KCNQ5: variants seen among roughly 807,000 people sequenced by gnomAD.
KCNQ5 encodes the protein potassium voltage-gated channel subfamily KQT member 5.
KCNQ5 carries 30 observed loss-of-function variants against 98.2 expected under a neutral mutation model. The observed-to-expected ratio is 0.31, with a 90% CI of 0.23 to 0.41. The LOEUF (loss-of-function observed/expected upper bound fraction) is 0.41, where lower values mean the gene tolerates loss of function less well. Among genes scored for constraint, KCNQ5 ranks in the 10% least tolerant of loss-of-function variants. The probability of loss-of-function intolerance (pLI) is 1.00; values close to 1 mark genes in which losing one functional copy is unlikely to be tolerated. For synonymous variants in KCNQ5, 458 were observed against 449.4 expected (o/e 1.02, Z -0.24); for missense variants, 835 against 1,182.5 (o/e 0.71, Z 4.31).
chr6:72,709,511 A>C (rs73537771), intron 1 of KCNQ5, among the ~76,000 whole-genome samples: 109 of 152,332 alleles, frequency 7.2e-4, no homozygotes, highest in African/African-American at 2.5e-3. Context: ...GAGATGCTTA[A>C]ACTGAGGGTA....
chr6:73,087,743 A>G (rs183533267), intron 5 of KCNQ5, among the ~76,000 whole-genome samples: 3,756 of 152,160 alleles, frequency 0.025, 69 homozygotes, highest in Non-Finnish European at 0.039. Context: ...AGAGCCACCA[A>G]GGAATACAAA....
chr6:73,075,027 A>G (rs1016924307), intron 3 of KCNQ5, among the ~76,000 whole-genome samples: 7 of 152,224 alleles, frequency 4.6e-5, no homozygotes, highest in Non-Finnish European at 7.3e-5. Flanking sequence ...ATCCCTCAAC[A>G]TGATGAAAAC....
At chr6:72,984,561 T>G (rs957017673) in intron 1 of KCNQ5, among the ~76,000 whole-genome samples, 1 of 152,174 alleles carries the variant, frequency 6.6e-6, no homozygotes, top group African/African-American at 2.4e-5. Flanking sequence ...GCTAAGACCA[T>G]TGGAAAAGCC....
intron 1 of KCNQ5, among the ~76,000 whole-genome samples, chr6:72,945,883 C>G (rs1378897293): frequency 6.6e-6 from 1 of 151,958 alleles, no homozygotes; most frequent in African/African-American, 2.4e-5. Context: ...ATATATTGAC[C>G]GCTCACAAAT....
At chr6:73,022,766 C>T (rs1170608997) in intron 2 of KCNQ5, among the ~76,000 whole-genome samples, 1 of 152,114 alleles carries the variant, frequency 6.6e-6, no homozygotes, top group Non-Finnish European at 1.5e-5. Context: ...GACTCATTTC[C>T]ACTGGCAATT....
chr6:73,048,190 G>A (rs1325600552), intron 3 of KCNQ5, among the ~76,000 whole-genome samples: 1 of 152,184 alleles, frequency 6.6e-6, no homozygotes, highest in Non-Finnish European at 1.5e-5. Flanking sequence ...AAGAGTAGAG[G>A]CTACCTTAGC....
chr6:72,709,273 G>T (rs1196284851), intron 1 of KCNQ5, among the ~76,000 whole-genome samples: 2 of 152,026 alleles, frequency 1.3e-5, no homozygotes, highest in Non-Finnish European at 2.9e-5. Context: ...CTTGTTTTTA[G>T]GACATTTATT....
At chr6:72,822,248 C>T (rs1176150710) in intron 1 of KCNQ5, among the ~76,000 whole-genome samples, 1 of 152,150 alleles carries the variant, frequency 6.6e-6, no homozygotes, top group Non-Finnish European at 1.5e-5. Flanking sequence ...TTTAAATTTT[C>T]CTCAGAGGAA....
At chr6:72,713,097 A>G (rs1369072055) in intron 1 of KCNQ5, among the ~76,000 whole-genome samples, 1 of 152,214 alleles carries the variant, frequency 6.6e-6, no homozygotes, top group East Asian at 1.9e-4. Context: ...AGATATAAAA[A>G]TGCTGGTTGG....
chr6:73,119,776 T>A (rs1775667633), intron 7 of KCNQ5, among the ~76,000 whole-genome samples: 2 of 149,314 alleles, frequency 1.3e-5, no homozygotes. Context: ...ATCTCTAGAA[T>A]GTATGCTCAT....
chr6:73,008,935 AAT>A (rs1769937133), intron 2 of KCNQ5, among the ~76,000 whole-genome samples: 1 of 152,240 alleles, frequency 6.6e-6, no homozygotes. Context: ...GATGAAGTTA[AAT>A]ATCAATAACA....
At chr6:72,650,831 T>C (rs1256578623) in intron 1 of KCNQ5, among the ~76,000 whole-genome samples, 1 of 152,022 alleles carries the variant, frequency 6.6e-6, no homozygotes, top group Non-Finnish European at 1.5e-5. Context: ...GGGAGAACAC[T>C]CAGGAAAAAC....
At chr6:72,808,229 G>T (rs1038232164) in intron 1 of KCNQ5, among the ~76,000 whole-genome samples, 2 of 152,118 alleles carry the variant, frequency 1.3e-5, no homozygotes, top group African/African-American at 4.8e-5. Context: ...AAGTTGTTAC[G>T]ATTTTGAATA....
intron 10 of KCNQ5, chr6:73,135,457 A>C (rs545704205): frequency 3.7e-4 from 53 of 144,924 alleles, no homozygotes; most frequent in African/African-American, 1.4e-3. Flanking sequence ...TTAGGGGGAA[A>C]AAAAGAAAAA....
intron 3 of KCNQ5, among the ~76,000 whole-genome samples, chr6:73,065,295 C>T (rs1189625237): frequency 6.6e-6 from 1 of 152,154 alleles, no homozygotes; most frequent in East Asian, 1.9e-4. Context: ...CCTTAGACTC[C>T]CTCGTTTGTC....
rs74741708 is a variant in KCNQ5, at chr6:73,026,441, C to T, written c.490-15495C>T. On this transcript the variant is annotated intron_variant, in intron 2 of 13. Coordinates refer to ENST00000370398, the MANE Select transcript of KCNQ5 (RefSeq NM_019842.4). The stretch of plus-strand genomic sequence containing the variant: ...CTTCTTTCATCAGATATCTGCTTGA[C>T]TCCCTTAATAACTTAGAGTTTGCTC... Among the ~76,000 whole-genome samples the T allele has an allele frequency of 2.0e-3, 309 of 152,264 alleles. 2 individuals carry two copies. Among genetic ancestry groups the T allele is most frequent in the African/African-American group, 7.3e-3 (305 of 41,548 alleles).
chr6:72,895,566 CTT>C (rs901497884), intron 1 of KCNQ5, among the ~76,000 whole-genome samples: 22 of 151,196 alleles, frequency 1.5e-4, no homozygotes, highest in African/African-American at 4.4e-4. Flanking sequence ...TTAAGTAACA[CTT>C]TGAATTAGTC....
At chr6:73,055,525 A>C in intron 3 of KCNQ5, 1 of 1,514,424 alleles carries the variant, frequency 6.6e-7, no homozygotes. Flanking sequence ...CAGACCTCAC[A>C]GAAAATCACC....
intron 5 of KCNQ5, among the ~76,000 whole-genome samples, chr6:73,080,786 A>G (rs372084301): frequency 6.6e-6 from 1 of 152,178 alleles, no homozygotes. Flanking sequence ...AAGTATCAAA[A>G]TATAGGTTTT....
Sources: allele counts gnomAD v4.1 joint callset (sites outside exome capture counted in the v4.1 genomes callset), GRCh38; gene constraint gnomAD v4.1.1; transcripts MANE v1.5; gene names NCBI Gene and HGNC (gene_info 2026-07-23, HGNC 2026-07-21).